The following INTS14 variants were observed in gnomAD, a reference collection of about 807,000 sequenced individuals.
INTS14 encodes integrator complex subunit 14, also known as UPF0464 protein C15orf44.
In INTS14, 27 loss-of-function variants were observed where a neutral mutation model predicts 56.9. That is an observed-to-expected ratio of 0.47 (90% CI 0.35 to 0.65). The LOEUF is 0.65. Ranked by LOEUF, INTS14 falls within the 30% of genes least tolerant of loss-of-function variation. The probability of loss-of-function intolerance (pLI) is 0.00; values close to 1 mark genes in which losing one functional copy is unlikely to be tolerated. For synonymous variants in INTS14, 207 were observed against 236.2 expected (o/e 0.88, Z 1.13); for missense variants, 517 against 632.2 (o/e 0.82, Z 1.95).
chr15:65,609,908 C>G (rs557316654), intron 1 of INTS14, among the ~76,000 whole-genome samples: 29 of 152,208 alleles, frequency 1.9e-4, no homozygotes, highest in African/African-American at 6.3e-4. Flanking sequence ...TCTGAAGACA[C>G]CTCTGGAGCT....
Position 65,581,879 on chromosome 15 carries a change from T to A in INTS14, c.1305+75A>T, listed in dbSNP as rs547824922. 74 of 1,465,972 alleles carry A rather than the reference T, an allele frequency of 5.0e-5. 2 individuals carry two copies. In the South Asian group the frequency reaches 8.2e-4, roughly 16 times the overall value. The allele number at this position is 1,465,972 out of a possible 1,614,324, so 90.8% of individuals were successfully genotyped here. ...GTCATACATCTCTAACCCCTGCCCA[T>A]ATTCACACTGCCATCTCACAGTTTT... is the stretch of plus-strand genomic sequence containing the variant. On this transcript the variant is annotated intron_variant, in intron 11 of 11. Transcript: ENST00000313182.
At chr15:65,599,182 T>C (rs1277828708) in intron 4 of INTS14, among the ~76,000 whole-genome samples, 192 bp from the exon 5 acceptor site, 1 of 152,126 alleles carries the variant, frequency 6.6e-6, no homozygotes. Flanking sequence ...TTACGTAAAA[T>C]AACACAGGTA....
At chr15:65,599,701 T>C in intron 4 of INTS14, 73 bp downstream of exon 4, 1 of 1,503,978 alleles carries the variant, frequency 6.6e-7, no homozygotes, top group Non-Finnish European at 9.1e-7. Flanking sequence ...ATAGCACTAG[T>C]GGTATATACT....
chr15:65,609,064 C>T (rs750965511), intron 1 of INTS14, among the ~76,000 whole-genome samples: 4 of 152,114 alleles, frequency 2.6e-5, no homozygotes, highest in East Asian at 1.9e-4. Flanking sequence ...GGACTACAGG[C>T]GCGTGTCACC....
At chr15:65,599,231 A>G in intron 4 of INTS14, 1 of 380,810 alleles carries the variant, frequency 2.6e-6, no homozygotes, top group East Asian at 4.9e-5. Context: ...AAAGATTCTC[A>G]GAGGTGACCA....
intron 6 of INTS14, among the ~76,000 whole-genome samples, chr15:65,596,431 GA>G (rs2073214725): frequency 6.6e-6 from 1 of 151,788 alleles, no homozygotes; most frequent in African/African-American, 2.4e-5. Flanking sequence ...TTATAAAGAA[GA>G]AAAAGTCACT....
At position 65,584,804 on chromosome 15, in the gene INTS14, T is replaced by A; in HGVS notation, c.1205A>T (p.Asn402Ile). ...GCTGGGTTTGATCCAGACAGTCACA[T>A]TCTGGGCATAACTGCGTTTGTTTTT... ...QPKNKRSYAQNVTVWIKPSGL... is the reference protein window; with the variant it reads ...QPKNKRSYAQIVTVWIKPSGL... Residue 402 changes from asparagine to isoleucine, a missense_variant, in exon 10 of 12, where the codon AAT (asparagine) becomes ATT (isoleucine). By Grantham distance (149) the Asn-to-Ile change is moderately radical. Coordinates refer to ENST00000313182, the MANE Select transcript of INTS14 (RefSeq NM_001394796.1). 1 of 1,613,486 alleles carries A rather than the reference T, an allele frequency of 6.2e-7. No homozygotes were observed. Among genetic ancestry groups the A allele is most frequent in the Non-Finnish European group, 8.5e-7 (1 of 1,179,700 alleles).
intron 8 of INTS14, among the ~76,000 whole-genome samples, chr15:65,592,434 C>A (rs902620045): frequency 2.0e-5 from 3 of 152,172 alleles, no homozygotes; most frequent in Non-Finnish European, 4.4e-5. Flanking sequence ...GATGGTTTTG[C>A]AGATTTTGAG....
intron 9 of INTS14, 129 bp from the exon 10 acceptor site, chr15:65,585,017 A>G (rs2072765637): frequency 1.3e-6 from 1 of 784,582 alleles, no homozygotes; most frequent in Non-Finnish European, 1.9e-6. Flanking sequence ...AAGAAAATCC[A>G]TTAACTTCAG....
intron 6 of INTS14, among the ~76,000 whole-genome samples, chr15:65,597,391 A>T (rs1215531947): frequency 2.6e-5 from 4 of 152,236 alleles, no homozygotes; most frequent in African/African-American, 9.6e-5. Flanking sequence ...TGAAACACTG[A>T]TAATATCCAG....
rs765730808 is a variant in INTS14 at position 65,605,205 on chromosome 15, T to C, written c.254A>G (p.Lys85Arg). The C allele has an allele frequency of 1.1e-5, 17 of 1,614,148 alleles. No homozygotes were observed. In the South Asian group the frequency reaches 1.9e-4, roughly 18 times the overall value. ...AACTAATGCAGACTCCAAGCAGGTT[T>C]TGTCATAATCATCCATATTACTTAG... ...EALSNMDDYD[K>R]TCLESALVGV... The change falls in exon 3 of 12, where the codon AAA (lysine) becomes AGA (arginine). Residue 85 changes from lysine (K) to arginine (R), a missense_variant. By Grantham distance (26) the Lys-to-Arg change is conservative (BLOSUM62 2). Coordinates refer to ENST00000313182, the MANE Select transcript of INTS14 (RefSeq NM_001394796.1).
At chr15:65,609,185 C>T (rs191271460) in intron 1 of INTS14, among the ~76,000 whole-genome samples, 309 of 152,258 alleles carry the variant, frequency 2.0e-3, no homozygotes, top group African/African-American at 7.0e-3. Context: ...GAACTTCTGA[C>T]CTCGTGATCC....
chr15:65,607,519 A>T, intron 1 of INTS14, 77 bp from the exon 2 acceptor site: 4 of 1,445,934 alleles, frequency 2.8e-6, no homozygotes, highest in Non-Finnish European at 3.7e-6. Flanking sequence ...CTAACTTCTC[A>T]GAAATTAGCA....
chr15:65,590,166 C>T (rs2072971984), intron 9 of INTS14, among the ~76,000 whole-genome samples: 1 of 152,168 alleles, frequency 6.6e-6, no homozygotes, highest in African/African-American at 2.4e-5. Context: ...TTCACATTTC[C>T]AGGATTAACA....
chr15:65,608,364 CAAA>C (rs35399300), intron 1 of INTS14, among the ~76,000 whole-genome samples: 1 of 64,026 alleles, frequency 1.6e-5, no homozygotes. Context: ...GGCTCCATCT[CAAA>C]AAAAAAAAAA....
At chr15:65,595,916 G>T (rs1308150851) in intron 6 of INTS14, 91 bp from the exon 7 acceptor site, 1 of 980,134 alleles carries the variant, frequency 1.0e-6, no homozygotes, top group Non-Finnish European at 1.5e-6. Context: ...CACTGTTTAG[G>T]TTGGGGTTTC....
At chr15:65,610,915 C>T in intron 1 of INTS14, 183 bp downstream of exon 1, 1 of 1,466,366 alleles carries the variant, frequency 6.8e-7, no homozygotes, top group East Asian at 2.5e-5. Flanking sequence ...CCCCGAGCCT[C>T]AGAGCGAGGG....
Position 65,591,665 on chromosome 15 carries a change from A to C in INTS14, c.1053T>G (p.Ser351=), listed in dbSNP as rs777936323. 4 of 1,614,052 alleles carry C rather than the reference A, an allele frequency of 2.5e-6. No individual in the cohort carries two copies. Among genetic ancestry groups the C allele is most frequent in the Non-Finnish European group, 2.5e-6 (3 of 1,180,036 alleles). Residue 351 remains serine (S), a synonymous_variant, in exon 9 of 12, where the codon TCT becomes TCG. Coordinates refer to ENST00000313182, the MANE Select transcript of INTS14 (RefSeq NM_001394796.1). ...DSKKKSNLMM[S]LFEPGPEPLP... ...GAGGTTCTGGGCCAGGCTCAAAGAG[A>C]GACATCATGAGGTTTGATTTCTTCT...
At chr15:65,594,476 T>C (rs1299128688) in intron 7 of INTS14, among the ~76,000 whole-genome samples, 1 of 150,612 alleles carries the variant, frequency 6.6e-6, no homozygotes, top group Non-Finnish European at 1.5e-5. Flanking sequence ...CACTGCAAAC[T>C]CCGCCTCCCA....
Sources: allele counts gnomAD v4.1 joint callset (sites outside exome capture counted in the v4.1 genomes callset), GRCh38; gene constraint gnomAD v4.1.1; transcripts MANE v1.5; gene names NCBI Gene and HGNC (gene_info 2026-07-23, HGNC 2026-07-21).